Variants in C1orf54 observed in about 807,000 individuals in gnomAD.
C1orf54 encodes chromosome 1 open reading frame 54.
C1orf54 carries 12 observed loss-of-function variants against 14.7 expected under a neutral mutation model. That is an observed-to-expected ratio of 0.82 (90% CI 0.52 to 1.32). C1orf54 has a LOEUF of 1.32. C1orf54 is among the 40% of genes most tolerant of loss of function. The probability of loss-of-function intolerance (pLI) is 0.00; values close to 1 mark genes in which losing one functional copy is unlikely to be tolerated. For missense variants in C1orf54, 163 were observed against 162.2 expected, an observed-to-expected ratio of 1.00 and a Z score of -0.03; for synonymous variants, 65 against 56.3, an observed-to-expected ratio of 1.16 and a Z score of -0.70.
At chr1:150,274,456 C>T (rs957703331) in intron 2 of C1orf54, among the ~76,000 whole-genome samples, 1 of 151,502 alleles carries the variant, frequency 6.6e-6, no homozygotes, top group Non-Finnish European at 1.5e-5. Flanking sequence ...AAAAATTAGC[C>T]GGGTGTGGTG....
upstream of C1orf54, among the ~76,000 whole-genome samples, chr1:150,270,099 G>C (rs1652091768): frequency 6.6e-6 from 1 of 152,052 alleles, no homozygotes; most frequent in Non-Finnish European, 1.5e-5. Flanking sequence ...GATGGGGAGA[G>C]GTTAGTCCTT....
upstream of C1orf54, chr1:150,272,727 T>C: frequency 4.4e-6 from 6 of 1,356,328 alleles, no homozygotes; most frequent in Non-Finnish European, 6.3e-6. Flanking sequence ...GCTCCTTCCC[T>C]GCTTTGGAGG....
intron 1 of C1orf54, among the ~76,000 whole-genome samples, chr1:150,273,572 C>T (rs1652383038): frequency 6.6e-6 from 1 of 152,216 alleles, no homozygotes; most frequent in South Asian, 2.1e-4. Flanking sequence ...CCAGCTGACT[C>T]ATTTTAAGAA....
intron 2 of C1orf54, among the ~76,000 whole-genome samples, chr1:150,275,407 G>A (rs961544144): frequency 3.3e-5 from 5 of 151,984 alleles, no homozygotes; most frequent in Non-Finnish European, 2.9e-5. Context: ...GGAGGCTGAG[G>A]CAGGAGGATC....
upstream of C1orf54, among the ~76,000 whole-genome samples, chr1:150,271,091 G>A (rs976318898): frequency 6.6e-6 from 1 of 151,672 alleles, no homozygotes; most frequent in Non-Finnish European, 1.5e-5. Flanking sequence ...GGCAGAGTAA[G>A]GTGGATAGGA....
Position 150,279,686 on chromosome 1 carries a change from T to C in C1orf54, c.344T>C (p.Ile115Thr). The C allele has an allele frequency of 6.2e-7, 1 of 1,613,286 alleles. No individual in the cohort carries two copies. The change falls in exon 5 of 6, where the codon ATT (isoleucine) becomes ACT (threonine). Residue 115 changes from isoleucine to threonine, a missense_variant. Transcript: ENST00000369099. ...GCCGTGTCCAGTTTGCGAAGTCCTA[T>C]TCCCCTCCTCCTGTCGTGTGCCTTT... ...NDAVSSLRSP[I>T]PLLLSCAFVQ... is the part of the protein sequence containing the mutation.
At chr1:150,276,396 A>T (rs1031229887) in intron 3 of C1orf54, 126 bp from the exon 4 acceptor site, 15 of 713,892 alleles carry the variant, frequency 2.1e-5, no homozygotes, top group Non-Finnish European at 3.7e-5. Context: ...GTAGGGGGGA[A>T]TCCCTGAGCT....
upstream of C1orf54, chr1:150,268,939 G>T: frequency 1.4e-6 from 1 of 731,442 alleles, no homozygotes; most frequent in African/African-American, 1.8e-5. Flanking sequence ...GTCACCCCCA[G>T]ACCCCGGGGA....
chr1:150,277,166 G>A (rs1404900636), intron 4 of C1orf54, among the ~76,000 whole-genome samples: 4 of 152,152 alleles, frequency 2.6e-5, no homozygotes, highest in African/African-American at 9.7e-5. Context: ...GGTAGTTATG[G>A]AAGGACAGAA....
At chr1:150,272,335 C>G (rs1289722949), upstream of C1orf54, 1 of 160,844 alleles carries the variant, frequency 6.2e-6, no homozygotes, top group East Asian at 1.8e-4. Flanking sequence ...AAATGCTCAC[C>G]CCTTCCTCAG....
chr1:150,275,650 A>G, intron 2 of C1orf54, 91 bp from the exon 3 acceptor site: 1 of 1,028,020 alleles, frequency 9.7e-7, no homozygotes, highest in Non-Finnish European at 1.5e-6. Flanking sequence ...AACTTAAGTT[A>G]AACTATTCTG....
Position 150,274,080 on chromosome 1 carries a change from C to A in C1orf54, c.47-7C>A. The A allele has an allele frequency of 6.2e-7, 1 of 1,605,270 alleles. No individual in the cohort carries two copies. On this transcript the variant is annotated splice_region_variant and splice_polypyrimidine_tract_variant and intron_variant, in intron 1 of 5. Coordinates refer to ENST00000369099, the MANE Select transcript of C1orf54 (RefSeq NM_024579.4). Reference sequence around the variant, plus strand: ...TGTCCCTTGACCTCTAGTCCTTGTCCCCATAGGACAAGAATATGAGGATGA... The same window carrying A: ...TGTCCCTTGACCTCTAGTCCTTGTCACCATAGGACAAGAATATGAGGATGA...
intron 4 of C1orf54, among the ~76,000 whole-genome samples, chr1:150,277,261 G>C (rs1217119359): frequency 6.6e-6 from 1 of 152,154 alleles, no homozygotes. Flanking sequence ...ACTTTGGGGA[G>C]GCCAAGGTGG....
chr1:150,272,960 G>A (rs1443258872), intron 1 of C1orf54, 97 bp downstream of exon 1: 2 of 1,339,902 alleles, frequency 1.5e-6, no homozygotes, highest in East Asian at 2.3e-5. Flanking sequence ...GTACATTTCA[G>A]TGGGGAGCGA....
At chr1:150,273,094 A>T (rs1652339726) in intron 1 of C1orf54, among the ~76,000 whole-genome samples, 1 of 152,198 alleles carries the variant, frequency 6.6e-6, no homozygotes. Context: ...TCCAGACACA[A>T]GGAGGCCCTA....
upstream of C1orf54, among the ~76,000 whole-genome samples, chr1:150,270,923 G>A (rs1652161465): frequency 6.7e-6 from 1 of 149,316 alleles, no homozygotes; most frequent in Admixed American, 6.6e-5. Context: ...GTGAACCCAG[G>A]AGGCGGAGCT....
chr1:150,269,775 AG>A (rs1553850901), upstream of C1orf54, among the ~76,000 whole-genome samples: 4 of 152,190 alleles, frequency 2.6e-5, no homozygotes, highest in Non-Finnish European at 1.5e-5. Context: ...TGAAAGTTAA[AG>A]TAGGCTGAGC....
chr1:150,274,549 G>A (rs1187399829), intron 2 of C1orf54, among the ~76,000 whole-genome samples: 1 of 150,780 alleles, frequency 6.6e-6, no homozygotes, highest in Non-Finnish European at 1.5e-5. Flanking sequence ...GCAGTGAGCT[G>A]AGATCGTGCC....
intron 4 of C1orf54, among the ~76,000 whole-genome samples, chr1:150,277,499 T>TCCAA (rs1235256110): frequency 9.3e-6 from 1 of 107,016 alleles, no homozygotes; most frequent in African/African-American, 3.7e-5. Context: ...TGAGACTCTA[T>TCCAA]ACTAAAAAAA....
Sources: gnomAD v4.1 joint callset for allele counts (sites outside exome capture counted in the v4.1 genomes callset) on GRCh38, gnomAD v4.1.1 for gene constraint, MANE v1.5 for transcripts, NCBI Gene and HGNC (gene_info 2026-07-23, HGNC 2026-07-21) for gene names.